Variants in SGSM1 observed in about 807,000 individuals in gnomAD.
SGSM1 encodes RUN and TBC1 domain containing 2.
Under a neutral mutation model 133.8 loss-of-function variants are expected in SGSM1, and 73 were observed. The ratio of observed to expected loss-of-function variants is 0.55; its 90% CI spans 0.45 to 0.66. The LOEUF (loss-of-function observed/expected upper bound fraction) is 0.66, where lower values mean the gene tolerates loss of function less well. Ranked by LOEUF, SGSM1 falls within the 30% of genes least tolerant of loss-of-function variation. The pLI, the probability that SGSM1 is intolerant of heterozygous loss-of-function variation, is 0.00. For synonymous variants in SGSM1, 563 were observed against 573.0 expected (o/e 0.98, Z 0.25); for missense variants, 1,213 against 1,448.1 (o/e 0.84, Z 2.64).
chr22:24,886,152 G>T, intron 15 of SGSM1, among the ~76,000 whole-genome samples: 1 of 146,234 alleles, frequency 6.8e-6, no homozygotes, highest in East Asian at 2.1e-4. Context: ...CAAGGAGGGC[G>T]AATCACCTGA....
At chr22:24,808,704 G>A (rs55821303) in intron 2 of SGSM1, among the ~76,000 whole-genome samples, 8,580 of 152,248 alleles carry the variant, frequency 0.056, 364 homozygotes, top group Non-Finnish European at 0.081. Flanking sequence ...AGTTTCCTGC[G>A]CAGGTTCCTT....
intron 3 of SGSM1, 120 bp downstream of exon 3, chr22:24,845,092 C>A (rs1429405816): frequency 5.0e-5 from 43 of 862,692 alleles, no homozygotes; most frequent in Non-Finnish European, 7.0e-5. Context: ...CAGAGGGGGA[C>A]TCGATTGGAG....
rs1277356848 is a variant in SGSM1, at chr22:24,922,125, A to ACAC, written c.3194-2056_3194-2054dup. 2.6e-5 allele frequency among the ~76,000 whole-genome samples: 4 copies of ACAC among 151,318 alleles called. No homozygotes were observed. In the East Asian group the frequency reaches 5.8e-4, roughly 22 times the overall value. On this transcript the variant is annotated intron_variant, in intron 24 of 24. Coordinates refer to ENST00000400358, the MANE Select transcript of SGSM1 (RefSeq NM_001098497.3). ...TTCTCAAGCCTTGGAATCAGATTGG[A>ACAC]CACCACCTCTTTTGTTTTCTATTCC...
At chr22:24,882,949 G>A (rs1457511280) in intron 14 of SGSM1, among the ~76,000 whole-genome samples, 1 of 150,956 alleles carries the variant, frequency 6.6e-6, no homozygotes, top group African/African-American at 2.4e-5. Context: ...CCAGGCTGGA[G>A]TGCAGTGGCG....
chr22:24,907,057 C>T (rs1222267959), intron 21 of SGSM1, among the ~76,000 whole-genome samples: 3 of 151,616 alleles, frequency 2.0e-5, no homozygotes, highest in East Asian at 2.0e-4. Flanking sequence ...GTCAGGAGTC[C>T]GAGACCAGCC....
Position 24,876,567 on chromosome 22 carries a change from T to A in SGSM1, c.1292-10T>A. ...GGTGATTCTTCTGCCCCTCCTTCTA[T>A]CCACCACAGTGCCCCAGGATCTGAT... On this transcript the variant is annotated splice_polypyrimidine_tract_variant and intron_variant, in intron 12 of 24. Coordinates refer to ENST00000400358, the MANE Select transcript of SGSM1 (RefSeq NM_001098497.3). 1 of 1,613,988 alleles carries A rather than the reference T, an allele frequency of 6.2e-7. No homozygotes were observed. Among genetic ancestry groups the A allele is most frequent in the Non-Finnish European group, 8.5e-7 (1 of 1,179,882 alleles).
chr22:24,913,512 C>T (rs1436530891), intron 22 of SGSM1, among the ~76,000 whole-genome samples: 1 of 152,112 alleles, frequency 6.6e-6, no homozygotes, highest in Non-Finnish European at 1.5e-5. Flanking sequence ...AATTAAGACA[C>T]TCAACCCTTT....
At chr22:24,830,530 C>T (rs868301871) in intron 2 of SGSM1, among the ~76,000 whole-genome samples, 1 of 152,132 alleles carries the variant, frequency 6.6e-6, no homozygotes, top group Non-Finnish European at 1.5e-5. Context: ...AAACCCAGTA[C>T]GTTAAGGCAA....
intron 19 of SGSM1, among the ~76,000 whole-genome samples, chr22:24,900,795 T>G (rs1386054783): frequency 2.6e-5 from 4 of 152,210 alleles, no homozygotes; most frequent in Non-Finnish European, 5.9e-5. Flanking sequence ...TTTCTTGTAT[T>G]TATGCCAACC....
chr22:24,809,903 A>G (rs1601878610), intron 2 of SGSM1, among the ~76,000 whole-genome samples: 2 of 152,354 alleles, frequency 1.3e-5, no homozygotes, highest in East Asian at 1.9e-4. Flanking sequence ...ATGACGTTTC[A>G]GAAGACAGGT....
chr22:24,862,367 T>C (rs1931207043), intron 9 of SGSM1, among the ~76,000 whole-genome samples: 1 of 152,188 alleles, frequency 6.6e-6, no homozygotes, highest in African/African-American at 2.4e-5. Flanking sequence ...TTGACCTCCC[T>C]GCTGAGTCCA....
intron 9 of SGSM1, among the ~76,000 whole-genome samples, chr22:24,861,976 C>CA (rs2147864641): frequency 7.3e-6 from 1 of 137,148 alleles, no homozygotes; most frequent in South Asian, 2.3e-4. Flanking sequence ...TTTTTTGAGA[C>CA]AGAGTTTTGC....
At chr22:24,847,320 C>T (rs933109487) in intron 3 of SGSM1, among the ~76,000 whole-genome samples, 9 of 152,144 alleles carry the variant, frequency 5.9e-5, no homozygotes, top group African/African-American at 2.2e-4. Flanking sequence ...AGCTATGCCC[C>T]CTGAGAGCAC....
Position 24,917,055 on chromosome 22 carries a change from C to CT in SGSM1, c.2929-583dup, listed in dbSNP as rs139775. On this transcript the variant is annotated intron_variant, in intron 22 of 24. Coordinates refer to ENST00000400358, the MANE Select transcript of SGSM1 (RefSeq NM_001098497.3). Reference sequence around the variant, plus strand: ...CACCATGCCAGGCTAATAAAAAATTCTTTTTTTTTTTTTTTTTTTTAGAGA... The same window carrying CT: ...CACCATGCCAGGCTAATAAAAAATTCTTTTTTTTTTTTTTTTTTTTTAGAGA... Among the ~76,000 whole-genome samples the CT allele has an allele frequency of 9.4e-3, 1,116 of 118,446 alleles. 8 individuals carry two copies. The highest frequency in any genetic ancestry group is 0.02 in the South Asian group (68 of 3,486). The allele number at this position is 118,446 out of a possible 152,430, so 77.7% of individuals were successfully genotyped here. A position where few individuals can be genotyped will look rare whatever the true frequency, so the allele number is the denominator to read the frequency against.
chr22:24,853,790 T>TTTTG (rs1930622453), intron 5 of SGSM1, among the ~76,000 whole-genome samples: 1 of 147,510 alleles, frequency 6.8e-6, no homozygotes, highest in African/African-American at 2.5e-5. Context: ...TTTTTTTTTT[T>TTTTG]GTATTTTTAG....
At chr22:24,870,463 G>A (rs1033596244) in intron 12 of SGSM1, among the ~76,000 whole-genome samples, 2 of 152,250 alleles carry the variant, frequency 1.3e-5, no homozygotes, top group African/African-American at 4.8e-5. Context: ...CAGGCAATGT[G>A]TACACTCCCG....
At chr22:24,812,703 G>T (rs1927821435) in intron 2 of SGSM1, among the ~76,000 whole-genome samples, 1 of 152,184 alleles carries the variant, frequency 6.6e-6, no homozygotes, top group Non-Finnish European at 1.5e-5. Context: ...ACTTCAGGAA[G>T]TTTCAGCTAA....
chr22:24,849,242 T>A (rs1244553826), intron 4 of SGSM1, among the ~76,000 whole-genome samples: 1 of 144,914 alleles, frequency 6.9e-6, no homozygotes, highest in Non-Finnish European at 1.5e-5. Context: ...CAGTAAGTAT[T>A]TTATTAAAAA....
At chr22:24,899,739 T>C (rs1316020904) in intron 19 of SGSM1, among the ~76,000 whole-genome samples, 3 of 152,104 alleles carry the variant, frequency 2.0e-5, no homozygotes, top group African/African-American at 7.2e-5. Context: ...GCCAGGATGG[T>C]CTCGATCTGC....
Sources: allele counts gnomAD v4.1 joint callset (sites outside exome capture counted in the v4.1 genomes callset), GRCh38; gene constraint gnomAD v4.1.1; transcripts MANE v1.5; gene names NCBI Gene and HGNC (gene_info 2026-07-23, HGNC 2026-07-21).